The following IGSF11 variants were observed in gnomAD, a reference collection of about 807,000 sequenced individuals.
IGSF11 encodes immunoglobulin superfamily member 11.
A neutral mutation model predicts 41.0 loss-of-function variants in IGSF11; 22 were observed. That is an observed-to-expected ratio of 0.54 (90% CI 0.38 to 0.77). The LOEUF (loss-of-function observed/expected upper bound fraction) is 0.77. IGSF11 is among the 30% of genes least tolerant of loss of function. The pLI, the probability that IGSF11 is intolerant of heterozygous loss-of-function variation, is 0.00. For missense variants in IGSF11, 444 were observed against 530.8 expected (o/e 0.84, Z 1.61); for synonymous variants, 219 against 201.3 (o/e 1.09, Z -0.74).
intron 1 of IGSF11, among the ~76,000 whole-genome samples, chr3:119,087,541 T>C (rs140113825): frequency 8.5e-5 from 13 of 152,102 alleles, no homozygotes; most frequent in African/African-American, 2.9e-4. Context: ...CCAAACATCA[T>C]ATGTTCTCAC....
intron 4 of IGSF11, among the ~76,000 whole-genome samples, chr3:118,910,292 C>A (rs1940109933): frequency 6.6e-6 from 1 of 152,214 alleles, no homozygotes; most frequent in African/African-American, 2.4e-5. Context: ...CAAACTTCTA[C>A]AAATTTCTCT....
intron 1 of IGSF11, among the ~76,000 whole-genome samples, chr3:119,024,672 CT>C (rs972269419): frequency 7.9e-5 from 12 of 151,244 alleles, no homozygotes; most frequent in East Asian, 3.9e-4. Flanking sequence ...CTAAAACTTG[CT>C]TTTTTTTTAA....
chr3:119,094,993 C>T (rs1057285916), intron 1 of IGSF11, among the ~76,000 whole-genome samples: 2 of 151,820 alleles, frequency 1.3e-5, no homozygotes, highest in Non-Finnish European at 2.9e-5. Flanking sequence ...TTTTTAACAC[C>T]ACATAAAGGA....
intron 4 of IGSF11, among the ~76,000 whole-genome samples, chr3:118,913,882 G>A (rs1940675902): frequency 6.6e-6 from 1 of 152,156 alleles, no homozygotes; most frequent in Non-Finnish European, 1.5e-5. Context: ...TACAAACACA[G>A]AAATTAAACA....
chr3:118,978,325 A>T (rs1934347110), intron 1 of IGSF11, among the ~76,000 whole-genome samples: 1 of 151,950 alleles, frequency 6.6e-6, no homozygotes, highest in Admixed American at 6.5e-5. Flanking sequence ...CACTGCCAAC[A>T]CTAGCACAGA....
At chr3:119,113,355 A>G (rs1426190189) in intron 1 of IGSF11, among the ~76,000 whole-genome samples, 1 of 152,192 alleles carries the variant, frequency 6.6e-6, no homozygotes, top group Non-Finnish European at 1.5e-5. Flanking sequence ...CCAGTTAGTT[A>G]TTTACAAGAT....
intron 1 of IGSF11, among the ~76,000 whole-genome samples, chr3:119,116,410 T>A (rs1023171781): frequency 2.0e-5 from 3 of 152,202 alleles, no homozygotes; most frequent in Admixed American, 6.5e-5. Context: ...AAACAGCAGA[T>A]CATGATATTA....
chr3:119,117,187 T>C (rs1329831995), intron 1 of IGSF11, among the ~76,000 whole-genome samples: 1 of 147,954 alleles, frequency 6.8e-6, no homozygotes, highest in Non-Finnish European at 1.5e-5. Context: ...AAACACAAAC[T>C]GGAAGTTATC....
intron 1 of IGSF11, among the ~76,000 whole-genome samples, chr3:119,026,583 C>A (rs554134572): frequency 6.6e-6 from 1 of 152,008 alleles, no homozygotes; most frequent in South Asian, 2.1e-4. Flanking sequence ...TCACTGTAGT[C>A]TTCGCCATTA....
intron 1 of IGSF11, among the ~76,000 whole-genome samples, chr3:119,073,791 CCT>C (rs2076445049): frequency 6.6e-6 from 1 of 152,200 alleles, no homozygotes; most frequent in South Asian, 2.1e-4. Flanking sequence ...TCCCTCCACA[CCT>C]CCCACAAGCA....
chr3:118,902,325 C>G lies in IGSF11; in HGVS notation c.*195G>C, dbSNP rs1938961825. On this transcript the variant is annotated 3_prime_UTR_variant, in exon 7 of 7. Coordinates refer to ENST00000393775, the MANE Select transcript of IGSF11 (RefSeq NM_001015887.3). ...TCCCAGGACATCTTTGGTGGGGAAGCAAGTCTTCATGATGGAGCATTTCAG... is the reference window on the plus strand; with the variant it reads ...TCCCAGGACATCTTTGGTGGGGAAGGAAGTCTTCATGATGGAGCATTTCAG... The G allele has an allele frequency of 1.9e-6, 1 of 530,526 alleles. No homozygotes were observed. The allele number at this position is 530,526 out of a possible 1,614,324, so 32.9% of individuals were successfully genotyped here. A position where few individuals can be genotyped will look rare whatever the true frequency, so the allele number is the denominator to read the frequency against.
At chr3:119,029,173 T>TAC (rs66598029) in intron 1 of IGSF11, among the ~76,000 whole-genome samples, 30,333 of 111,274 alleles carry the variant, frequency 0.27, 4,398 homozygotes, top group Non-Finnish European at 0.32. Flanking sequence ...TTGGGGATAA[T>TAC]ACACACACAC....
At chr3:119,115,290 G>A (rs114573560) in intron 1 of IGSF11, among the ~76,000 whole-genome samples, 1,847 of 152,246 alleles carry the variant, frequency 0.012, 29 homozygotes, top group African/African-American at 0.043. Flanking sequence ...GGATCATAAG[G>A]TAGCGCTATT....
chr3:119,113,389 A>G (rs1377937243), intron 1 of IGSF11, among the ~76,000 whole-genome samples: 11 of 152,246 alleles, frequency 7.2e-5, no homozygotes, highest in Admixed American at 7.2e-4. Flanking sequence ...GGGCATTGGA[A>G]AAATACTCCT....
chr3:119,124,169 T>C (rs1425911944), intron 1 of IGSF11, among the ~76,000 whole-genome samples: 1 of 151,820 alleles, frequency 6.6e-6, no homozygotes, highest in East Asian at 1.9e-4. Context: ...TTCAGAATTC[T>C]ATCACATAAA....
At chr3:119,056,640 G>C (rs1309837346) in intron 1 of IGSF11, among the ~76,000 whole-genome samples, 1 of 152,160 alleles carries the variant, frequency 6.6e-6, no homozygotes, top group Non-Finnish European at 1.5e-5. Flanking sequence ...GCACCATCCT[G>C]ATACCAAAGC....
At chr3:118,946,191 TACACACACACACGCAC>T (rs1944116506) in intron 1 of IGSF11, among the ~76,000 whole-genome samples, 2 of 147,048 alleles carry the variant, frequency 1.4e-5, no homozygotes, top group Admixed American at 7.1e-5. Flanking sequence ...AACCATTGGC[TACACACACACACGCAC>T]ACACACACAC....
chr3:119,057,147 A>G (rs1409526945), intron 1 of IGSF11, among the ~76,000 whole-genome samples: 1 of 152,212 alleles, frequency 6.6e-6, no homozygotes, highest in East Asian at 1.9e-4. Flanking sequence ...AGAAGGAAAT[A>G]AAGGGTATTC....
At chr3:118,904,440 A>T (rs1250824690) in intron 6 of IGSF11, among the ~76,000 whole-genome samples, 1 of 152,212 alleles carries the variant, frequency 6.6e-6, no homozygotes. Flanking sequence ...AGTTGGGCAC[A>T]TGCTGGACCT....
Sources: gnomAD v4.1 joint callset for allele counts (sites outside exome capture counted in the v4.1 genomes callset) on GRCh38, gnomAD v4.1.1 for gene constraint, MANE v1.5 for transcripts, NCBI Gene and HGNC (gene_info 2026-07-23, HGNC 2026-07-21) for gene names.